The following NRG3 variants were observed in gnomAD, a reference collection of about 807,000 sequenced individuals.
The protein encoded by NRG3 is neuregulin 3.
NRG3 carries 31 observed loss-of-function variants against 66.9 expected under a neutral mutation model. The ratio of observed to expected loss-of-function variants is 0.46; its 90% CI spans 0.35 to 0.63. NRG3 has a LOEUF of 0.63. Among genes scored for constraint, NRG3 ranks in the 20% least tolerant of loss-of-function variants. The pLI is 0.00. For missense variants in NRG3, 910 were observed against 878.9 expected, an observed-to-expected ratio of 1.04 and a Z score of -0.45; for synonymous variants, 393 against 359.4, an observed-to-expected ratio of 1.09 and a Z score of -1.06.
At chr10:82,767,465 G>A (rs890011302) in intron 3 of NRG3, among the ~76,000 whole-genome samples, 6 of 151,918 alleles carry the variant, frequency 3.9e-5, no homozygotes, top group African/African-American at 7.3e-5. Flanking sequence ...TTTTCTTCAC[G>A]GGTTCTTTTA....
chr10:82,789,196 G>A (rs2060487517), intron 3 of NRG3, among the ~76,000 whole-genome samples: 1 of 152,038 alleles, frequency 6.6e-6, no homozygotes. Context: ...TAATATTCAA[G>A]AAATGGTATC....
intron 2 of NRG3, among the ~76,000 whole-genome samples, chr10:82,528,566 T>C (rs145415196): frequency 2.0e-5 from 3 of 152,268 alleles, no homozygotes; most frequent in Non-Finnish European, 2.9e-5. Flanking sequence ...CCTGGACTTA[T>C]CAGGGACAGT....
At chr10:82,426,259 G>C (rs1288034886) in intron 2 of NRG3, among the ~76,000 whole-genome samples, 2 of 152,048 alleles carry the variant, frequency 1.3e-5, no homozygotes, top group Non-Finnish European at 1.5e-5. Context: ...AGTGTGTGAG[G>C]GCTCCCGCTA....
intron 3 of NRG3, among the ~76,000 whole-genome samples, chr10:82,806,109 C>T (rs540079057): frequency 6.6e-6 from 1 of 152,244 alleles, no homozygotes; most frequent in East Asian, 1.9e-4. Context: ...GCTAGAGAAG[C>T]ATTTGTTTAT....
At chr10:82,723,004 A>G (rs2057395373) in intron 2 of NRG3, among the ~76,000 whole-genome samples, 1 of 152,188 alleles carries the variant, frequency 6.6e-6, no homozygotes, top group South Asian at 2.1e-4. Context: ...TTGTTCTACC[A>G]AAAGACCCAT....
chr10:82,684,709 T>C lies in NRG3; in HGVS notation c.954-53868T>C, dbSNP rs1042223602. ...ATGGAGTACAACACAGTGGTCTCGA[T>C]AAAAGTTCCAGAAGAACTCAGGAGG... On this transcript the variant is annotated intron_variant, in intron 2 of 8. Coordinates refer to ENST00000372141, the MANE Select transcript of NRG3 (RefSeq NM_001010848.4). 7.9e-5 allele frequency among the ~76,000 whole-genome samples: 12 copies of C among 152,110 alleles called. No homozygotes were observed. The South Asian group carries it at 8.3e-4, about 11-fold the overall frequency.
intron 4 of NRG3, among the ~76,000 whole-genome samples, chr10:82,949,707 T>C (rs1245470412): frequency 6.6e-6 from 1 of 151,894 alleles, no homozygotes; most frequent in Admixed American, 6.6e-5. Context: ...GTACAAAAAG[T>C]AGCTAAGCAT....
intron 2 of NRG3, among the ~76,000 whole-genome samples, chr10:82,653,680 A>T (rs972330767): frequency 6.6e-6 from 1 of 151,536 alleles, no homozygotes; most frequent in Non-Finnish European, 1.5e-5. Flanking sequence ...GTGGGGGTGG[A>T]TCACCATAAT....
At chr10:82,181,686 A>G (rs1005630581) in intron 1 of NRG3, among the ~76,000 whole-genome samples, 2 of 151,990 alleles carry the variant, frequency 1.3e-5, no homozygotes, top group African/African-American at 4.8e-5. Flanking sequence ...CATGTAATCT[A>G]TCCTGTAGAA....
At chr10:82,111,528 T>G (rs188588774) in intron 1 of NRG3, among the ~76,000 whole-genome samples, 3 of 152,250 alleles carry the variant, frequency 2.0e-5, no homozygotes, top group Admixed American at 1.3e-4. Flanking sequence ...CTGTCATCTT[T>G]TAGATCACTG....
At chr10:82,369,806 T>G (rs183123862) in intron 2 of NRG3, among the ~76,000 whole-genome samples, 7 of 138,856 alleles carry the variant, frequency 5.0e-5, no homozygotes, top group Admixed American at 2.0e-4. Flanking sequence ...ACAACCTCTG[T>G]ATTGTTATCC....
chr10:82,071,675 G>A (rs995326715), intron 1 of NRG3, among the ~76,000 whole-genome samples: 4 of 152,132 alleles, frequency 2.6e-5, no homozygotes, highest in Non-Finnish European at 5.9e-5. Context: ...GGAAGCTGTT[G>A]GAGGGCTTGG....
At chr10:81,906,255 T>G (rs1015184552) in intron 1 of NRG3, among the ~76,000 whole-genome samples, 2 of 152,084 alleles carry the variant, frequency 1.3e-5, no homozygotes, top group Non-Finnish European at 2.9e-5. Flanking sequence ...AACGAAAATT[T>G]CAGTTTCAAA....
In NRG3 at chr10:82,271,916, C is replaced by A. The variant is rs558909620; in HGVS notation, c.824-86823C>A. ...TCATAAATATTGTAATTTATTCGTT[C>A]AACAAATATTTTTGGATGTTTCATG... On this transcript the variant is annotated intron_variant, in intron 1 of 8. Transcript: ENST00000372141. Among the ~76,000 whole-genome samples the A allele has an allele frequency of 6.6e-5, 10 of 152,122 alleles. No homozygotes were observed. In the South Asian group the frequency reaches 2.1e-3, roughly 32 times the overall value.
At chr10:82,059,819 T>A (rs12356352) in intron 1 of NRG3, among the ~76,000 whole-genome samples, 37,356 of 152,088 alleles carry the variant, frequency 0.25, 4,726 homozygotes, top group Middle Eastern at 0.33. Context: ...TCTTAAAGCC[T>A]ATCTACAAGG....
chr10:82,585,605 A>T (rs1041778319), intron 2 of NRG3, among the ~76,000 whole-genome samples: 2 of 152,164 alleles, frequency 1.3e-5, no homozygotes, highest in African/African-American at 4.8e-5. Context: ...CAGATTCTTA[A>T]ATAGCCATTG....
intron 2 of NRG3, among the ~76,000 whole-genome samples, chr10:82,547,891 G>A (rs1381460084): frequency 6.6e-6 from 1 of 152,012 alleles, no homozygotes; most frequent in African/African-American, 2.4e-5. Flanking sequence ...AACTAATGGG[G>A]TTGCACTTTG....
chr10:82,001,714 AT>A (rs1169922841), intron 1 of NRG3, among the ~76,000 whole-genome samples: 1 of 152,148 alleles, frequency 6.6e-6, no homozygotes, highest in Non-Finnish European at 1.5e-5. Flanking sequence ...TTGTACTGAT[AT>A]TTTCCTGATT....
chr10:82,190,531 T>G lies in NRG3; in HGVS notation c.824-168208T>G, dbSNP rs114577802. On this transcript the variant is annotated intron_variant, in intron 1 of 8. Coordinates refer to ENST00000372141, the MANE Select transcript of NRG3 (RefSeq NM_001010848.4). ...ACTGTAAAAACATGTGATTTTTCCT[T>G]CCACTTGTATCTGAACAGCATTTAC... 3.4e-3 allele frequency among the ~76,000 whole-genome samples: 512 copies of G among 152,290 alleles called. 4 individuals carry two copies. The highest frequency in any genetic ancestry group is 0.012 in the African/African-American group (481 of 41,566).
Sources: allele counts gnomAD v4.1 joint callset (sites outside exome capture counted in the v4.1 genomes callset), GRCh38; gene constraint gnomAD v4.1.1; transcripts MANE v1.5; gene names NCBI Gene and HGNC (gene_info 2026-07-23, HGNC 2026-07-21).